DAB1: variants seen among roughly 807,000 people sequenced by gnomAD.
DAB1 encodes the protein disabled homolog 1.
Under a neutral mutation model 64.6 loss-of-function variants are expected in DAB1, and 15 were observed. The ratio of observed to expected loss-of-function variants is 0.23; its 90% confidence interval spans 0.16 to 0.36. DAB1 has a LOEUF of 0.36. Ranked by LOEUF, DAB1 falls within the 10% of genes least tolerant of loss-of-function variation. The pLI is 1.00. For synonymous variants in DAB1, 235 were observed against 251.9 expected (o/e 0.93, Z 0.64); for missense variants, 596 against 706.7 (o/e 0.84, Z 1.78).
intron 3 of DAB1, among the ~76,000 whole-genome samples, chr1:58,502,040 G>A (rs1330261333): frequency 6.6e-6 from 1 of 151,918 alleles, no homozygotes; most frequent in African/African-American, 2.4e-5. Flanking sequence ...CTACAACCTG[G>A]CATATAACAG....
chr1:57,553,386 G>GAGAAAGAAAGAAAGAAAGAAAGAA lies in DAB1; in HGVS notation n.625+96205_625+96206insTTCTTTCTTTCTTTCTTTCTTTCT, dbSNP rs1553193728. On this transcript the variant is annotated intron_variant and non_coding_transcript_variant, in intron 7 of 20. Transcript: ENST00000485760. The stretch of plus-strand genomic sequence containing the variant: ...AAGAGAAGGAAGGAAGGAAGAAAGA[G>GAGAAAGAAAGAAAGAAAGAAAGAA]AAAGAAAGAAAGAAAGAAAGAAAGA... Among the ~76,000 whole-genome samples, 16 of 14,564 alleles carry GAGAAAGAAAGAAAGAAAGAAAGAA rather than the reference G, an allele frequency of 1.1e-3. 1 individual carries two copies. Among genetic ancestry groups the GAGAAAGAAAGAAAGAAAGAAAGAA allele is most frequent in the Non-Finnish European group, 4.2e-3 (13 of 3,094 alleles). The allele number at this position is 14,564 out of a possible 152,430, so 9.6% of individuals were successfully genotyped here.
At chr1:58,190,620 T>A (rs1056764966) in intron 4 of DAB1, among the ~76,000 whole-genome samples, 1 of 152,040 alleles carries the variant, frequency 6.6e-6, no homozygotes, top group African/African-American at 2.4e-5. Flanking sequence ...GTTAAAAAAA[T>A]AAATAAATAA....
chr1:58,399,656 T>C (rs1217550191), intron 3 of DAB1, among the ~76,000 whole-genome samples: 1 of 152,216 alleles, frequency 6.6e-6, no homozygotes, highest in Non-Finnish European at 1.5e-5. Context: ...CAAGAACAAT[T>C]GTCTCTCCTT....
chr1:57,738,339 T>A lies in DAB1; in HGVS notation n.552-88674A>T, dbSNP rs113530792. 1.8e-4 allele frequency among the ~76,000 whole-genome samples: 28 copies of A among 152,274 alleles called. 1 individual carries two copies. The highest frequency in any genetic ancestry group is 6.7e-4 in the African/African-American group (28 of 41,546). On this transcript the variant is annotated intron_variant and non_coding_transcript_variant, in intron 6 of 20. Coordinates refer to the DAB1 transcript ENST00000485760. ...GTCAATTCATGTTGCTGGTCTCCAG[T>A]TTCCCCATTTGCAAAATATCTAGCT...
At chr1:58,178,580 C>A (rs757865814) in intron 4 of DAB1, among the ~76,000 whole-genome samples, 13 of 152,078 alleles carry the variant, frequency 8.5e-5, no homozygotes, top group Non-Finnish European at 1.6e-4. Flanking sequence ...ATAGTAAGCA[C>A]GGTAAATGGT....
At chr1:58,506,275 T>G (rs778340237) in intron 2 of DAB1, 2 of 731,782 alleles carry the variant, frequency 2.7e-6, no homozygotes, top group Admixed American at 4.9e-5. Flanking sequence ...AAACTACTAC[T>G]TTATTTTTTT....
chr1:57,997,600 T>G (rs747028476), intron 5 of DAB1, among the ~76,000 whole-genome samples: 14 of 152,152 alleles, frequency 9.2e-5, no homozygotes, highest in Admixed American at 2.0e-4. Context: ...AGCATCCGAT[T>G]TGGGGAGGAT....
At chr1:57,688,621 T>C (rs1646728195) in intron 6 of DAB1, among the ~76,000 whole-genome samples, 1 of 152,032 alleles carries the variant, frequency 6.6e-6, no homozygotes, top group Non-Finnish European at 1.5e-5. Flanking sequence ...TACTTATATG[T>C]TCATCACAGT....
intron 3 of DAB1, among the ~76,000 whole-genome samples, chr1:57,142,703 T>G (rs866573449): frequency 2.8e-4 from 43 of 151,868 alleles, no homozygotes; most frequent in African/African-American, 1.0e-3. Flanking sequence ...ATGTTAATCC[T>G]GAGCGAGAAT....
intron 1 of DAB1, among the ~76,000 whole-genome samples, chr1:57,346,799 T>C (rs1454775916): frequency 4.6e-5 from 7 of 152,194 alleles, no homozygotes; most frequent in Non-Finnish European, 7.3e-5. Context: ...GTTTTCAAGA[T>C]AGACTGAGGC....
intron 9 of DAB1, among the ~76,000 whole-genome samples, chr1:57,038,136 G>C (rs981909246): frequency 1.3e-5 from 2 of 152,084 alleles, no homozygotes; most frequent in Non-Finnish European, 2.9e-5. Context: ...CTAAATACTA[G>C]ACATAGTCCT....
chr1:57,687,078 C>T (rs930678008), intron 6 of DAB1, among the ~76,000 whole-genome samples: 10 of 152,054 alleles, frequency 6.6e-5, no homozygotes, highest in African/African-American at 7.2e-5. Flanking sequence ...AAAAAGCATC[C>T]GAATAGAATA....
chr1:57,203,249 T>C (rs264039), intron 2 of DAB1, among the ~76,000 whole-genome samples: 72,735 of 152,012 alleles, frequency 0.48, 17,589 homozygotes, highest in Middle Eastern at 0.56. Context: ...ACTAGATAAA[T>C]TCATTAATCC....
intron 1 of DAB1, among the ~76,000 whole-genome samples, chr1:57,866,569 A>G (rs944020700): frequency 6.6e-6 from 1 of 152,170 alleles, no homozygotes; most frequent in African/African-American, 2.4e-5. Flanking sequence ...GGGTCTCAGC[A>G]TAGTGTTTTC....
intron 6 of DAB1, among the ~76,000 whole-genome samples, chr1:57,707,776 G>C (rs1646985541): frequency 6.6e-6 from 1 of 152,140 alleles, no homozygotes; most frequent in African/African-American, 2.4e-5. Context: ...TGAATTCAAA[G>C]GGGATTGAGG....
intron 1 of DAB1, among the ~76,000 whole-genome samples, chr1:57,293,705 G>A (rs1448090270): frequency 6.6e-6 from 1 of 152,068 alleles, no homozygotes; most frequent in Non-Finnish European, 1.5e-5. Flanking sequence ...GGACACAGTA[G>A]GTACCTAATC....
intron 2 of DAB1, among the ~76,000 whole-genome samples, chr1:57,203,220 G>C (rs1016297190): frequency 6.6e-6 from 1 of 152,136 alleles, no homozygotes; most frequent in Non-Finnish European, 1.5e-5. Context: ...CTAACAGAAA[G>C]ATCCCTCATT....
intron 2 of DAB1, among the ~76,000 whole-genome samples, chr1:57,191,944 T>G (rs762383673): frequency 3.6e-4 from 55 of 152,068 alleles, no homozygotes; most frequent in Non-Finnish European, 5.7e-4. Flanking sequence ...CATACCGTAA[T>G]AACAGCAGCA....
At chr1:57,193,628 C>T (rs886236415) in intron 2 of DAB1, among the ~76,000 whole-genome samples, 4 of 152,158 alleles carry the variant, frequency 2.6e-5, no homozygotes, top group Admixed American at 1.3e-4. Context: ...CCTCGTGATC[C>T]GCCTGCGTCG....
Sources: allele counts gnomAD v4.1 joint callset (sites outside exome capture counted in the v4.1 genomes callset), GRCh38; gene constraint gnomAD v4.1.1; transcripts MANE v1.5; gene names NCBI Gene and HGNC (gene_info 2026-07-23, HGNC 2026-07-21).